Variants in HELZ observed in about 807,000 individuals in gnomAD.
HELZ encodes the protein helicase with zinc finger.
Under a neutral mutation model 218.2 loss-of-function variants are expected in HELZ, and 23 were observed. The ratio of observed to expected loss-of-function variants is 0.11; its 90% confidence interval spans 0.08 to 0.15. The LOEUF is 0.15. Among genes scored for constraint, HELZ ranks in the 10% least tolerant of loss-of-function variants. HELZ has a pLI of 1.00. For missense variants in HELZ, 1,813 were observed against 2,353.7 expected, an observed-to-expected ratio of 0.77 and a Z score of 4.75; for synonymous variants, 814 against 829.4, an observed-to-expected ratio of 0.98 and a Z score of 0.32.
chr17:67,128,938 A>C, intron 23 of HELZ, 83 bp from the exon 24 acceptor site: 12 of 1,044,622 alleles, frequency 1.1e-5, no homozygotes, highest in Non-Finnish European at 1.6e-5. Context: ...AGATAATCTC[A>C]AATTCCACCC....
At chr17:67,157,293 AAG>A (rs1555612792) in intron 17 of HELZ, among the ~76,000 whole-genome samples, 7 of 152,102 alleles carry the variant, frequency 4.6e-5, no homozygotes, top group Non-Finnish European at 7.4e-5. Flanking sequence ...TTCTTCCTCA[AAG>A]AGGGGGGAAA....
intron 11 of HELZ, 40 bp downstream of exon 11, chr17:67,189,549 A>T: frequency 7.6e-7 from 1 of 1,323,292 alleles, no homozygotes. Flanking sequence ...TCAGAAAATT[A>T]AACACAACTT....
chr17:67,128,679 G>C lies in HELZ; in HGVS notation c.3359C>G (p.Thr1120Ser). ...GGGTGGTGATTGCTGCTGTTTGTTGGTACTTCCTGAATGCTGCAGTCTTAG... is the reference window on the plus strand; with the variant it reads ...GGGTGGTGATTGCTGCTGTTTGTTGCTACTTCCTGAATGCTGCAGTCTTAG... ...RALRLQHSGS[T>S]NKQQQSPPKG... The change falls in exon 24 of 33, where the codon ACC (threonine) becomes AGC (serine). Residue 1120 changes from threonine to serine, a missense_variant. Thr to Ser is a moderately conservative substitution (Grantham distance 58, BLOSUM62 1). Around this residue, in one of 4 missense-constraint regions of HELZ, gnomAD observed 938 missense variants for 1,027.5 expected, o/e 0.91. Coordinates refer to ENST00000358691, the MANE Select transcript of HELZ (RefSeq NM_014877.4). 6.2e-7 allele frequency: 1 copy of C among 1,614,048 alleles called. No homozygotes were observed. The highest frequency in any genetic ancestry group is 8.5e-7 in the Non-Finnish European group (1 of 1,179,976).
Position 67,203,182 on chromosome 17 carries a change from G to A in HELZ, c.372+137C>T, listed in dbSNP as rs1598415854. On this transcript the variant is annotated intron_variant, in intron 6 of 32. Coordinates refer to ENST00000358691, the MANE Select transcript of HELZ (RefSeq NM_014877.4). Reference sequence around the variant, plus strand: ...AAGAAAAATGGGTACTATATCTCAGGATACTCATGAATTTTGCTTTCTAAT... The same window carrying A: ...AAGAAAAATGGGTACTATATCTCAGAATACTCATGAATTTTGCTTTCTAAT... The A allele has an allele frequency of 1.3e-5, 10 of 785,248 alleles. No homozygotes were observed. The East Asian group carries it at 2.6e-4, about 20-fold the overall frequency. 48.6% of individuals were successfully genotyped at this position (785,248 alleles called of 1,614,324 possible).
Position 67,108,667 on chromosome 17 carries a change from G to T in HELZ, c.4549C>A (p.Gln1517Lys). ...AGAAAGGCATGATGCTCGCTCCACT[G>T]CTGGAACCGTGCCTGCTGCTGCCTT... ...TLRQQQARFQ[Q>K]WSEHHAFLSQ... Residue 1517 changes from glutamine (Q) to lysine (K), a missense_variant, in exon 30 of 33, where the codon CAG (glutamine) becomes AAG (lysine). Coordinates refer to ENST00000358691, the MANE Select transcript of HELZ (RefSeq NM_014877.4). This position sits in a 1 kb window ranked among gnomAD's most constrained non-coding sequence, Gnocchi z 4.1. The T allele has an allele frequency of 6.2e-7, 1 of 1,614,106 alleles. No homozygotes were observed. Among genetic ancestry groups the T allele is most frequent in the Non-Finnish European group, 8.5e-7 (1 of 1,180,004 alleles).
intron 24 of HELZ, among the ~76,000 whole-genome samples, chr17:67,125,707 G>A (rs577014696): frequency 2.0e-5 from 3 of 152,066 alleles, no homozygotes; most frequent in East Asian, 3.9e-4. Flanking sequence ...TGGATCCTGT[G>A]AATATGTTAT....
At chr17:67,196,570 T>C (rs73994514) in intron 7 of HELZ, among the ~76,000 whole-genome samples, 1 of 127,896 alleles carries the variant, frequency 7.8e-6, no homozygotes, top group Non-Finnish European at 1.5e-5. Context: ...GGTTGGTTAG[T>C]TGGATGGATG....
chr17:67,113,943 G>A (rs557356584), intron 28 of HELZ, among the ~76,000 whole-genome samples: 34 of 152,140 alleles, frequency 2.2e-4, no homozygotes, highest in Non-Finnish European at 4.3e-4. Flanking sequence ...GGGCTTAGTG[G>A]GTATGATGAG....
chr17:67,099,129 A>G (rs549553855), intron 31 of HELZ, among the ~76,000 whole-genome samples: 2 of 151,842 alleles, frequency 1.3e-5, no homozygotes, highest in South Asian at 4.2e-4. Flanking sequence ...CTCATTTCTT[A>G]TTTATTCTTG....
At chr17:67,245,383 A>C, upstream of HELZ, 3 of 779,070 alleles carry the variant, frequency 3.9e-6, no homozygotes, top group Non-Finnish European at 4.7e-6. Flanking sequence ...TTGAAAATTC[A>C]CCCGCATTTT....
intron 6 of HELZ, 110 bp downstream of exon 6, chr17:67,203,209 G>C (rs949431166): frequency 8.9e-7 from 1 of 1,118,250 alleles, no homozygotes; most frequent in Non-Finnish European, 1.3e-6. Flanking sequence ...CTTTCTAATA[G>C]AGGAAGAACT....
At chr17:67,161,815 G>A (rs1014697605) in intron 15 of HELZ, among the ~76,000 whole-genome samples, 2 of 152,132 alleles carry the variant, frequency 1.3e-5, no homozygotes, top group African/African-American at 4.8e-5. Context: ...GCTAAGTTTT[G>A]AAGATTTAAA....
chr17:67,189,010 G>T (rs1054679043), intron 11 of HELZ, among the ~76,000 whole-genome samples: 2 of 152,112 alleles, frequency 1.3e-5, no homozygotes, highest in Non-Finnish European at 2.9e-5. Flanking sequence ...ACTGTTCTTA[G>T]ATTTTTCATC....
chr17:67,071,235 CCTTCCTCTG>C lies in HELZ; in HGVS notation c.*7008_*7016del, dbSNP rs1193966125. 6.6e-6 allele frequency: 1 copy of C among 152,486 alleles called. No homozygotes were observed. Among genetic ancestry groups the C allele is most frequent in the Non-Finnish European group, 1.5e-5 (1 of 68,016 alleles). The allele number at this position is 152,486 out of a possible 1,614,324, so 9.4% of individuals were successfully genotyped here. On this transcript the variant is annotated 3_prime_UTR_variant, in exon 33 of 33. Transcript: ENST00000358691. ...GTCTGGATTTATGAAAATCCAGGAC[CCTTCCTCTG>C]TAAAGGGGGAGGCTGAGAAACATTC...
At chr17:67,198,164 T>C (rs963331562) in intron 7 of HELZ, among the ~76,000 whole-genome samples, 20 of 152,148 alleles carry the variant, frequency 1.3e-4, no homozygotes, top group African/African-American at 4.8e-4. Context: ...ATTTATCAAA[T>C]GTGCAAGAAA....
chr17:67,231,800 C>G (rs901232709), intron 3 of HELZ, among the ~76,000 whole-genome samples: 10 of 151,622 alleles, frequency 6.6e-5, no homozygotes, highest in African/African-American at 2.4e-4. Flanking sequence ...CACCTGTAAT[C>G]CTAGCACTTT....
intron 31 of HELZ, among the ~76,000 whole-genome samples, chr17:67,089,814 T>C (rs534454310): frequency 4.7e-5 from 7 of 150,430 alleles, no homozygotes; most frequent in South Asian, 4.2e-4. Context: ...TCCCAAGGAA[T>C]TGGGAGATTC....
chr17:67,152,767 T>TAA (rs368609592), intron 17 of HELZ, among the ~76,000 whole-genome samples: 19,992 of 124,686 alleles, frequency 0.16, 1,862 homozygotes, highest in African/African-American at 0.25. Context: ...AGAGTAGATT[T>TAA]AAAAAAAAAA....
At chr17:67,134,474 G>A (rs2038083940) in intron 23 of HELZ, among the ~76,000 whole-genome samples, 1 of 151,816 alleles carries the variant, frequency 6.6e-6, no homozygotes, top group Non-Finnish European at 1.5e-5. Context: ...TGAAATTAAA[G>A]ATGTTACAAC....
Sources: allele counts gnomAD v4.1 joint callset (sites outside exome capture counted in the v4.1 genomes callset), GRCh38; gene constraint gnomAD v4.1.1; regional missense constraint gnomAD v4.1.1; non-coding constraint Gnocchi (gnomAD v3.1); transcripts MANE v1.5; gene names NCBI Gene and HGNC (gene_info 2026-07-23, HGNC 2026-07-21).